Variants in CLTC observed in about 807,000 individuals in gnomAD.
The protein encoded by CLTC is clathrin heavy chain 1.
Under a neutral mutation model 195.8 loss-of-function variants are expected in CLTC, and 16 were observed. The ratio of observed to expected loss-of-function variants is 0.08; its 90% CI spans 0.06 to 0.12. CLTC has a LOEUF of 0.12. CLTC is among the 10% of genes least tolerant of loss of function. The pLI is 1.00. For missense variants in CLTC, 796 were observed against 2,027.0 expected (o/e 0.39, Z 11.66); for synonymous variants, 667 against 689.4 (o/e 0.97, Z 0.51).
Position 59,666,339 on chromosome 17 carries a change from C to T in CLTC, c.1782+99C>T. ...ATGCAAAGCTACTGAGGGGCCTACTCCTTATTAAAGAAAATGTAGCTATTA... is the reference window on the plus strand; with the variant it reads ...ATGCAAAGCTACTGAGGGGCCTACTTCTTATTAAAGAAAATGTAGCTATTA... On this transcript the variant is annotated intron_variant, in intron 11 of 31. Transcript: ENST00000269122. This position sits in a 1 kb window ranked among gnomAD's most constrained non-coding sequence, Gnocchi z 4.9. The T allele has an allele frequency of 6.7e-7, 1 of 1,493,634 alleles. No individual in the cohort carries two copies. Among genetic ancestry groups the T allele is most frequent in the Non-Finnish European group, 9.1e-7 (1 of 1,094,174 alleles). 92.5% of individuals were successfully genotyped at this position (1,493,634 alleles called of 1,614,324 possible). A position where few individuals can be genotyped will look rare whatever the true frequency, so the allele number is the denominator to read the frequency against.
intron 10 of CLTC, among the ~76,000 whole-genome samples, chr17:59,665,824 G>A (rs2032717528): frequency 1.3e-5 from 2 of 152,032 alleles, no homozygotes; most frequent in Admixed American, 6.6e-5. Flanking sequence ...TGGGCAATAA[G>A]AGCGAAACTC....
intron 31 of CLTC, among the ~76,000 whole-genome samples, chr17:59,692,122 T>C (rs137966184): frequency 1.3e-5 from 2 of 152,034 alleles, no homozygotes; most frequent in Non-Finnish European, 2.9e-5. Flanking sequence ...ATCAAGACCA[T>C]CCTGGCCAAC....
rs1465174134 is a variant in CLTC at position 59,695,687 on chromosome 17, AG to A, written c.*1836del. 5.3e-6 allele frequency: 1 copy of A among 188,236 alleles called. No individual in the cohort carries two copies. Among genetic ancestry groups the A allele is most frequent in the Non-Finnish European group, 1.1e-5 (1 of 89,456 alleles). The allele number at this position is 188,236 out of a possible 1,614,324, so 11.7% of individuals were successfully genotyped here. On this transcript the variant is annotated 3_prime_UTR_variant, in exon 32 of 32. Transcript: ENST00000269122. Reference sequence around the variant, plus strand: ...TCTCAAAAAACAAAAAAACCTATTTAGTTTCATCCAGGACATTAAGTGAAAG... The same window carrying A: ...TCTCAAAAAACAAAAAAACCTATTTATTTCATCCAGGACATTAAGTGAAAG...
intron 1 of CLTC, among the ~76,000 whole-genome samples, chr17:59,621,939 A>C (rs1200180474): frequency 6.6e-6 from 1 of 152,210 alleles, no homozygotes; most frequent in Admixed American, 6.5e-5. Flanking sequence ...CCACACAGAG[A>C]ATCAAGTACA....
intron 31 of CLTC, among the ~76,000 whole-genome samples, chr17:59,692,319 A>G (rs933633643): frequency 1.6e-4 from 6 of 38,666 alleles, no homozygotes; most frequent in Non-Finnish European, 3.1e-4. Context: ...GTCTCAAAAA[A>G]TAATAATAAA....
intron 1 of CLTC, among the ~76,000 whole-genome samples, chr17:59,634,413 A>T (rs749097070): frequency 6.6e-6 from 1 of 152,182 alleles, no homozygotes; most frequent in Non-Finnish European, 1.5e-5. Flanking sequence ...ACATTGGCCT[A>T]ATTGATCTGA....
intron 1 of CLTC, among the ~76,000 whole-genome samples, chr17:59,630,941 T>C (rs1433343925): frequency 6.6e-6 from 1 of 152,256 alleles, no homozygotes; most frequent in Non-Finnish European, 1.5e-5. Context: ...CTGGGTCATA[T>C]GGTAATTTCT....
In CLTC at chr17:59,656,035, A is replaced by G. The variant is rs2032457026; in HGVS notation, c.969+8A>G. 3.1e-6 allele frequency: 5 copies of G among 1,605,040 alleles called. No homozygotes were observed. Among genetic ancestry groups the G allele is most frequent in the South Asian group, 1.1e-5 (1 of 88,288 alleles). On this transcript the variant is annotated splice_region_variant and intron_variant, in intron 6 of 31. Coordinates refer to ENST00000269122, the MANE Select transcript of CLTC (RefSeq NM_004859.4). ...GTAAACAGAAAGGGACAAGTAAGGA[A>G]ACCTTGAAACTTAAGCAATAAAATA...
rs371724149 is a variant in CLTC at position 59,649,852 on chromosome 17, A to C, written c.682-1351A>C. Reference sequence around the variant, plus strand: ...GAAATTTAAACAGAAAAAAACACATAGTTTTAGAAATTAGATATTATCCTT... The same window carrying C: ...GAAATTTAAACAGAAAAAAACACATCGTTTTAGAAATTAGATATTATCCTT... On this transcript the variant is annotated intron_variant, in intron 4 of 31. Transcript: ENST00000269122. Among the ~76,000 whole-genome samples the C allele has an allele frequency of 2.7e-5, 4 of 149,122 alleles. No individual in the cohort carries two copies. The South Asian group carries it at 8.8e-4, about 33-fold the overall frequency.
At chr17:59,623,388 ATTC>A (rs1266643869) in intron 1 of CLTC, among the ~76,000 whole-genome samples, 1 of 152,222 alleles carries the variant, frequency 6.6e-6, no homozygotes, top group East Asian at 1.9e-4. Context: ...AATGTATCAT[ATTC>A]TTCAGAATTT....
chr17:59,678,663 T>C (rs1037327296), intron 17 of CLTC, among the ~76,000 whole-genome samples: 17 of 152,204 alleles, frequency 1.1e-4, no homozygotes, highest in African/African-American at 4.1e-4. Context: ...TCAGCAGCCC[T>C]GAAGTCAGTC....
chr17:59,673,842 CT>C, intron 15 of CLTC, 70 bp downstream of exon 15: 1 of 836,382 alleles, frequency 1.2e-6, no homozygotes, highest in Non-Finnish European at 1.9e-6. Flanking sequence ...TCTGGAAATC[CT>C]TTTGAAACTC....
At chr17:59,658,889 G>C (rs1470707393) in intron 6 of CLTC, 1 of 152,166 alleles carries the variant, frequency 6.6e-6, no homozygotes, top group African/African-American at 2.4e-5. Flanking sequence ...AAGCCTTGAG[G>C]ATGGAGGTCG....
At chr17:59,687,077 G>A (rs1456704224) in intron 30 of CLTC, 1 of 924,850 alleles carries the variant, frequency 1.1e-6, no homozygotes, top group East Asian at 1.1e-4. Flanking sequence ...TAAGGAATTT[G>A]CATGATGTTT....
At chr17:59,658,213 AGAG>A (rs1183845510) in intron 6 of CLTC, among the ~76,000 whole-genome samples, 3 of 151,844 alleles carry the variant, frequency 2.0e-5, no homozygotes, top group African/African-American at 7.3e-5. Context: ...AAAAAAAAAA[AGAG>A]AGAGAGCGCC....
rs2032607492 is a variant in CLTC, at chr17:59,661,437, T to A, written c.1168-6T>A. The A allele has an allele frequency of 6.2e-7, 1 of 1,612,590 alleles. No individual in the cohort carries two copies. The highest frequency in any genetic ancestry group is 1.7e-5 in the Admixed American group (1 of 59,974). The stretch of plus-strand genomic sequence containing the variant: ...GAAGAGCGTTTAACATTTCTCCTTC[T>A]TAAAGGGAATTCTTCGTACTCCAGA... On this transcript the variant is annotated splice_region_variant and splice_polypyrimidine_tract_variant and intron_variant, in intron 7 of 31. Coordinates refer to ENST00000269122, the MANE Select transcript of CLTC (RefSeq NM_004859.4).
At chr17:59,686,908 TCTTCCCTAAAC>T (rs2033197232) in intron 30 of CLTC, 1 of 739,056 alleles carries the variant, frequency 1.4e-6, no homozygotes, top group Non-Finnish European at 1.7e-6. Flanking sequence ...GTTAGATGTT[TCTTCCCTAAAC>T]CTTTGTTGCT....
chr17:59,674,342 T>C (rs1240731943), intron 15 of CLTC, among the ~76,000 whole-genome samples: 1 of 152,202 alleles, frequency 6.6e-6, no homozygotes, highest in Non-Finnish European at 1.5e-5. Context: ...ACAGGCAGTA[T>C]TGCTATAATG....
At chr17:59,687,442 C>T (rs973322436) in intron 30 of CLTC, among the ~76,000 whole-genome samples, 5 of 150,644 alleles carry the variant, frequency 3.3e-5, no homozygotes, top group East Asian at 3.9e-4. Flanking sequence ...TGACAGTTGT[C>T]GAATTTATAT....
Sources: gnomAD v4.1 joint callset for allele counts (sites outside exome capture counted in the v4.1 genomes callset) on GRCh38, gnomAD v4.1.1 for gene constraint, Gnocchi (gnomAD v3.1) non-coding constraint, MANE v1.5 for transcripts, NCBI Gene and HGNC (gene_info 2026-07-23, HGNC 2026-07-21) for gene names.